PSMG2: variants seen among roughly 807,000 people sequenced by gnomAD.
PSMG2 encodes CD40 ligand-activated specific transcript 3.
Under a neutral mutation model 31.5 loss-of-function variants are expected in PSMG2, and 21 were observed. That is an observed-to-expected ratio of 0.67 (90% CI 0.47 to 0.96). The LOEUF is 0.96. PSMG2 is among the 40% of genes least tolerant of loss of function. PSMG2 has a pLI of 0.00. For missense variants in PSMG2, 318 were observed against 321.2 expected, an observed-to-expected ratio of 0.99 and a Z score of 0.08; for synonymous variants, 120 against 110.4, an observed-to-expected ratio of 1.09 and a Z score of -0.54.
At position 12,724,380 on chromosome 18, in the gene PSMG2, G is replaced by A. The variant is rs536240473; in HGVS notation, c.582-119G>A. The stretch of plus-strand genomic sequence containing the variant: ...AAGGGAGATGATAAGTGATCTTATG[G>A]TGTGGCGTCTTTTCCTTTCCTAAAC... On this transcript the variant is annotated intron_variant, in intron 5 of 6. Transcript: ENST00000317615. 335 of 994,270 alleles carry A rather than the reference G, an allele frequency of 3.4e-4. 1 individual carries two copies. The highest frequency in any genetic ancestry group is 1.3e-3 in the Middle Eastern group (4 of 2,972). 61.6% of individuals were successfully genotyped at this position (994,270 alleles called of 1,614,324 possible).
chr18:12,702,438 A>G, upstream of PSMG2: 1 of 1,432,872 alleles, frequency 7.0e-7, no homozygotes, highest in Non-Finnish European at 9.7e-7. Context: ...CAGGAGGGAA[A>G]GGTTATGGGT....
At chr18:12,724,395 C>G in intron 5 of PSMG2, 104 bp from the exon 6 acceptor site, 4 of 1,221,520 alleles carry the variant, frequency 3.3e-6, no homozygotes, top group Middle Eastern at 2.9e-4. Flanking sequence ...GCGTCTTTTC[C>G]TTTCCTAAAC....
intron 3 of PSMG2, among the ~76,000 whole-genome samples, chr18:12,717,028 C>T (rs2040383223): frequency 6.7e-6 from 1 of 148,684 alleles, no homozygotes; most frequent in South Asian, 2.2e-4. Context: ...TGGCTCACTA[C>T]AGCCCTGACC....
intron 5 of PSMG2, among the ~76,000 whole-genome samples, chr18:12,723,793 C>A (rs773164223): frequency 2.6e-5 from 4 of 152,196 alleles, no homozygotes; most frequent in Admixed American, 6.5e-5. Context: ...TCCACTACCT[C>A]CTTTCAGCCT....
At chr18:12,699,264 G>A, upstream of PSMG2, 1 of 1,172,502 alleles carries the variant, frequency 8.5e-7, no homozygotes, top group Non-Finnish European at 1.2e-6. Flanking sequence ...ATGTGATCAA[G>A]ACATTAGGAA....
rs1361528977 is a variant in PSMG2, at chr18:12,705,570, A to AGTGTGTGTGTGTGTGT, written c.58-979_58-978insTGTGTGTGTGTGTGTG. ...AAGAGAGAGAGAGAGAGAGAGAGAGAGAGAGAGTGTGTGTGTGTGTGTGTG... is the reference window on the plus strand; with the variant it reads ...AAGAGAGAGAGAGAGAGAGAGAGAGAGTGTGTGTGTGTGTGTGAGAGAGTGTGTGTGTGTGTGTGTG... On this transcript the variant is annotated intron_variant, in intron 1 of 6. Coordinates refer to ENST00000317615, the MANE Select transcript of PSMG2 (RefSeq NM_020232.5). 3.5e-3 allele frequency among the ~76,000 whole-genome samples: 443 copies of AGTGTGTGTGTGTGTGT among 126,222 alleles called. 3 individuals are homozygous for AGTGTGTGTGTGTGTGT. Among genetic ancestry groups the AGTGTGTGTGTGTGTGT allele is most frequent in the Non-Finnish European group, 5.4e-3 (309 of 57,068 alleles). The allele number at this position is 126,222 out of a possible 152,430, so 82.8% of individuals were successfully genotyped here.
chr18:12,702,318 G>A, upstream of PSMG2: 3 of 565,584 alleles, frequency 5.3e-6, no homozygotes, highest in South Asian at 6.5e-5. Context: ...CGGAGACGAG[G>A]ACGCTCTCCT....
intron 2 of PSMG2, among the ~76,000 whole-genome samples, chr18:12,710,694 G>A (rs2040321105): frequency 6.6e-6 from 1 of 152,180 alleles, no homozygotes; most frequent in South Asian, 2.1e-4. Context: ...CTAAAGGCTT[G>A]ATTAGATAAA....
At chr18:12,672,609 C>T (rs1185153679) in intron 1 of PSMG2, 1 of 967,374 alleles carries the variant, frequency 1.0e-6, no homozygotes, top group Non-Finnish European at 1.2e-6. Context: ...ATAATGAATC[C>T]TCTGACCACA....
At chr18:12,704,874 A>G (rs2040248643) in intron 1 of PSMG2, among the ~76,000 whole-genome samples, 1 of 152,184 alleles carries the variant, frequency 6.6e-6, no homozygotes, top group Non-Finnish European at 1.5e-5. Flanking sequence ...GTAGGTGACA[A>G]CAGTGAAAAG....
chr18:12,672,732 T>C (rs2038979765), intron 1 of PSMG2: 5 of 971,846 alleles, frequency 5.1e-6, no homozygotes, highest in Non-Finnish European at 6.1e-6. Context: ...CAGTGATAAA[T>C]ATTTCTAAAT....
At chr18:12,701,939 A>T (rs567486939), upstream of PSMG2, among the ~76,000 whole-genome samples, 1 of 151,962 alleles carries the variant, frequency 6.6e-6, no homozygotes, top group Non-Finnish European at 1.5e-5. Context: ...GACCAGCCAC[A>T]CCAACATGGT....
upstream of PSMG2, chr18:12,701,228 T>C: frequency 1.4e-6 from 1 of 725,820 alleles, no homozygotes; most frequent in Admixed American, 2.6e-5. Flanking sequence ...CACAATTGAA[T>C]GGGAACAAAG....
intron 2 of PSMG2, among the ~76,000 whole-genome samples, chr18:12,707,617 G>GT (rs1484795567): frequency 6.6e-6 from 1 of 152,124 alleles, no homozygotes; most frequent in Admixed American, 6.6e-5. Context: ...GGGAACACTG[G>GT]TTATAATGCA....
chr18:12,683,537 C>T (rs1004921149), intron 1 of PSMG2, among the ~76,000 whole-genome samples: 1 of 151,836 alleles, frequency 6.6e-6, no homozygotes, highest in African/African-American at 2.4e-5. Flanking sequence ...GATCACCTAA[C>T]GTCAGGAGTT....
rs760043124 is a variant in PSMG2, at chr18:12,706,640, G to A, written c.148G>A (p.Asp50Asn). The change falls in exon 2 of 7, where the codon GAT becomes AAT. Residue 50 changes from aspartate (D) to asparagine (N), a missense_variant. Transcript: ENST00000317615. Reference protein sequence around the residue: ...NMSKIGYFYTDCLVPMVGNNP... With the variant: ...NMSKIGYFYTNCLVPMVGNNP... ...GTCTAAGATTGGTTACTTCTATACC[G>A]ATTGTCTTGTGCCAATGGTTGGAAA... is the stretch of plus-strand genomic sequence containing the variant. The A allele has an allele frequency of 4.8e-5, 78 of 1,613,766 alleles. No individual in the cohort carries two copies. The Admixed American group carries it at 9.0e-4, about 19-fold the overall frequency.
At chr18:12,658,945 G>C (rs1324696572) in intron 1 of PSMG2, 1 of 221,646 alleles carries the variant, frequency 4.5e-6, no homozygotes, top group Non-Finnish European at 9.3e-6. Flanking sequence ...AATGTCTCAA[G>C]TACCACACTC....
chr18:12,698,346 T>C (rs1568032956), upstream of PSMG2, among the ~76,000 whole-genome samples: 1 of 152,118 alleles, frequency 6.6e-6, no homozygotes, highest in African/African-American at 2.4e-5. Flanking sequence ...ATTTTGTATT[T>C]CTAGTAGAGA....
At chr18:12,706,782 TAG>T in intron 2 of PSMG2, 61 bp downstream of exon 2, 1 of 1,485,870 alleles carries the variant, frequency 6.7e-7, no homozygotes. Context: ...AAATTAGAAA[TAG>T]ACTTTATTGA....
Sources: allele counts gnomAD v4.1 joint callset (sites outside exome capture counted in the v4.1 genomes callset), GRCh38; gene constraint gnomAD v4.1.1; transcripts MANE v1.5; gene names NCBI Gene and HGNC (gene_info 2026-07-23, HGNC 2026-07-21).